Variants in FABP9 observed in about 807,000 individuals in gnomAD.
FABP9 encodes fatty acid-binding protein 9.
Under a neutral mutation model 14.7 loss-of-function variants are expected in FABP9, and 11 were observed. The ratio of observed to expected loss-of-function variants is 0.75; its 90% CI spans 0.47 to 1.24. The LOEUF (loss-of-function observed/expected upper bound fraction) is 1.24, where lower values mean the gene tolerates loss of function less well. Ranked by LOEUF, FABP9 falls within the 50% of genes most tolerant of loss-of-function variation. FABP9 has a pLI of 0.00. For missense variants in FABP9, 171 were observed against 158.2 expected (o/e 1.08, Z -0.44); for synonymous variants, 54 against 50.6 (o/e 1.07, Z -0.29).
chr8:81,458,677 T>A lies in FABP9; in HGVS notation c.273A>T (p.Ser91=), dbSNP rs377161985. 8.7e-5 allele frequency: 141 copies of A among 1,613,722 alleles called. 1 individual carries two copies. The highest frequency in any genetic ancestry group is 6.6e-4 in the Middle Eastern group (4 of 6,058). Residue 91 remains serine, a synonymous_variant, in exon 3 of 4, where the codon TCA becomes TCT. Transcript: ENST00000379071. ...VKSTITLENG[S]MIHVQKWLGK... Reference sequence around the variant, plus strand: ...CAAGCCATTTTTGGACGTGAATCATTGAGCCATTCTCTAATGTTATGGTGC... The same window carrying A: ...CAAGCCATTTTTGGACGTGAATCATAGAGCCATTCTCTAATGTTATGGTGC...
In FABP9 at chr8:81,458,334, G is replaced by C; in HGVS notation, c.*49C>G. ...CAGCCCTGAGGCATATCTTCTTCAGGTACCAGTTCCTTGTCAGTGAACAAG... is the reference window on the plus strand; with the variant it reads ...CAGCCCTGAGGCATATCTTCTTCAGCTACCAGTTCCTTGTCAGTGAACAAG... On this transcript the variant is annotated 3_prime_UTR_variant, in exon 4 of 4. Coordinates refer to ENST00000379071, the MANE Select transcript of FABP9 (RefSeq NM_001080526.2). 1 of 1,404,976 alleles carries C rather than the reference G, an allele frequency of 7.1e-7. No individual in the cohort carries two copies. The highest frequency in any genetic ancestry group is 1.0e-6 in the Non-Finnish European group (1 of 991,494). The allele number at this position is 1,404,976 out of a possible 1,614,324, so 87.0% of individuals were successfully genotyped here.
intron 2 of FABP9, among the ~76,000 whole-genome samples, chr8:81,458,934 C>T (rs1415366801): frequency 6.6e-6 from 1 of 152,126 alleles, no homozygotes; most frequent in Non-Finnish European, 1.5e-5. Flanking sequence ...TTTCTATGTG[C>T]TCTTTCATAT....
In FABP9 at chr8:81,458,413, A is replaced by G; in HGVS notation, c.369T>C (p.Ile123=). ...KMVVECKMNN[I]VSTRIYEKV ...CCTTTTCGTAGATTCTGGTGCTGAC[A>G]ATATTATTCATTTTACATTCCTAAA... is the stretch of plus-strand genomic sequence containing the variant. Residue 123 remains isoleucine, a synonymous_variant, in exon 4 of 4, where the codon ATT becomes ATC. Coordinates refer to ENST00000379071, the MANE Select transcript of FABP9 (RefSeq NM_001080526.2). 2 of 1,612,802 alleles carry G rather than the reference A, an allele frequency of 1.2e-6. No homozygotes were observed. Among genetic ancestry groups the G allele is most frequent in the Middle Eastern group, 1.7e-4 (1 of 6,054 alleles).
rs1289756633 is a variant in FABP9 at position 81,461,490 on chromosome 8, C to A, written c.34G>T (p.Val12Phe). Residue 12 changes from valine to phenylalanine, a missense_variant, in exon 1 of 4, where the codon GTC (valine) becomes TTC (phenylalanine). Transcript: ENST00000379071. ...VEPFLGTWKL[V>F]SSENFEDYMK... ...TAATCCTCAAAGTTTTCACTGGAGACCAGCTTCCAGGTTCCCAAGAAGGGC... is the reference window on the plus strand; with the variant it reads ...TAATCCTCAAAGTTTTCACTGGAGAACAGCTTCCAGGTTCCCAAGAAGGGC... The A allele has an allele frequency of 6.2e-7, 1 of 1,613,784 alleles. No individual in the cohort carries two copies. The highest frequency in any genetic ancestry group is 1.3e-5 in the African/African-American group (1 of 75,024).
chr8:81,459,443 A>C (rs925915113), intron 1 of FABP9, 106 bp from the exon 2 acceptor site: 1 of 1,007,086 alleles, frequency 9.9e-7, no homozygotes, highest in African/African-American at 1.7e-5. Context: ...AATTTTGGAT[A>C]ATGTATAGTA....
Position 81,459,227 on chromosome 8 carries a change from T to C in FABP9, c.184A>G (p.Lys62Glu). 1 of 1,592,834 alleles carries C rather than the reference T, an allele frequency of 6.3e-7. No individual in the cohort carries two copies. The highest frequency in any genetic ancestry group is 8.5e-7 in the Non-Finnish European group (1 of 1,172,962). ...IRTESSFQDT[K>E]ISFKLGEEFD... ...TCTTCCCCCAGCTTGAAGGAGATCT[T>C]AGTGTCCTGGAAAGAACTTTCTGTT... Residue 62 changes from lysine (K) to glutamate (E), a missense_variant, in exon 2 of 4, where the codon AAG (lysine) becomes GAG (glutamate). By Grantham distance (56) the Lys-to-Glu change is moderately conservative (BLOSUM62 1). Coordinates refer to ENST00000379071, the MANE Select transcript of FABP9 (RefSeq NM_001080526.2).
intron 1 of FABP9, 52 bp downstream of exon 1, chr8:81,461,399 T>A: frequency 8.3e-7 from 1 of 1,203,752 alleles, no homozygotes; most frequent in Non-Finnish European, 1.2e-6. Context: ...ACAAACCCAA[T>A]CACATCACAA....
At chr8:81,460,322 A>C (rs1807672243) in intron 1 of FABP9, among the ~76,000 whole-genome samples, 1 of 152,172 alleles carries the variant, frequency 6.6e-6, no homozygotes, top group South Asian at 2.1e-4. Context: ...AAAAGGTTAA[A>C]TGAAAGGGGT....
chr8:81,459,266 T>C lies in FABP9; in HGVS notation c.145A>G (p.Met49Val), dbSNP rs1375563868. Residue 49 changes from methionine to valine, a missense_variant, in exon 2 of 4, where the codon ATG (methionine) becomes GTG (valine). Coordinates refer to ENST00000379071, the MANE Select transcript of FABP9 (RefSeq NM_001080526.2). Reference sequence around the variant, plus strand: ...GAACTTTCTGTTCTTATGGTCATCATTTTCCCATCAACACTAATAGTTACT... The same window carrying C: ...GAACTTTCTGTTCTTATGGTCATCACTTTCCCATCAACACTAATAGTTACT... ...PTVTISVDGK[M>V]MTIRTESSFQ... is the part of the protein sequence containing the mutation. The C allele has an allele frequency of 2.5e-6, 4 of 1,580,644 alleles. No individual in the cohort carries two copies. In the South Asian group the frequency reaches 4.7e-5, roughly 19 times the overall value.
At chr8:81,461,229 G>A (rs1807687082) in intron 1 of FABP9, among the ~76,000 whole-genome samples, 1 of 152,122 alleles carries the variant, frequency 6.6e-6, no homozygotes, top group Non-Finnish European at 1.5e-5. Context: ...TTAAATATAT[G>A]GATCATGACT....
chr8:81,458,256 A>T lies in FABP9; in HGVS notation c.*127T>A. 1 of 717,174 alleles carries T rather than the reference A, an allele frequency of 1.4e-6. No individual in the cohort carries two copies. The highest frequency in any genetic ancestry group is 2.4e-6 in the Non-Finnish European group (1 of 412,226). The allele number at this position is 717,174 out of a possible 1,614,324, so 44.4% of individuals were successfully genotyped here. A position where few individuals can be genotyped will look rare whatever the true frequency, so the allele number is the denominator to read the frequency against. On this transcript the variant is annotated 3_prime_UTR_variant, in exon 4 of 4. Coordinates refer to ENST00000379071, the MANE Select transcript of FABP9 (RefSeq NM_001080526.2). The stretch of plus-strand genomic sequence containing the variant: ...ATTAAATAGCTTCAAAACTGCACTT[A>T]ATTTGATGCTTTTATTAAGCAAATT...
Position 81,459,154 on chromosome 8 carries a change from T to A in FABP9, c.246+11A>T. On this transcript the variant is annotated intron_variant, in intron 2 of 3. Transcript: ENST00000379071. ...CCTGATTGTTGAACACCAGGAAGAA[T>A]TAGTTCTGACCTTTACTTTCCGGTT... 1 of 1,571,264 alleles carries A rather than the reference T, an allele frequency of 6.4e-7. No individual in the cohort carries two copies. Among genetic ancestry groups the A allele is most frequent in the Non-Finnish European group, 8.6e-7 (1 of 1,166,920 alleles).
rs139751300 is a variant in FABP9, at chr8:81,459,176, G to T, written c.235C>A (p.Arg79=). 1 of 1,587,414 alleles carries T rather than the reference G, an allele frequency of 6.3e-7. No individual in the cohort carries two copies. The highest frequency in any genetic ancestry group is 1.4e-5 in the African/African-American group (1 of 72,440). ...GAATTAGTTCTGACCTTTACTTTCC[G>T]GTTGTCTGCTGTAGTTTCATCAAAT... is the stretch of plus-strand genomic sequence containing the variant. ...EEFDETTADN[R]KVKSTITLEN... Residue 79 remains arginine, a synonymous_variant, in exon 2 of 4, where the codon CGG becomes AGG. Transcript: ENST00000379071.
chr8:81,460,192 G>C (rs1488389960), intron 1 of FABP9, among the ~76,000 whole-genome samples: 1 of 152,106 alleles, frequency 6.6e-6, no homozygotes, highest in Admixed American at 6.5e-5. Flanking sequence ...TAGAGATGGG[G>C]TTTCACCATG....
chr8:81,460,681 TA>T (rs1009643428), intron 1 of FABP9, among the ~76,000 whole-genome samples: 3 of 151,856 alleles, frequency 2.0e-5, no homozygotes, highest in Non-Finnish European at 4.4e-5. Flanking sequence ...TTATGTAAGT[TA>T]AAAAAAAGTA....
In FABP9 at chr8:81,458,603, A is replaced by G. The variant is rs759233755; in HGVS notation, c.347T>C (p.Val116Ala). 2.5e-6 allele frequency: 4 copies of G among 1,608,054 alleles called. No individual in the cohort carries two copies. Among genetic ancestry groups the G allele is most frequent in the South Asian group, 2.2e-5 (2 of 90,906 alleles). The change falls in exon 3 of 4, where the codon GTG becomes GCG. Residue 116 changes from valine (V) to alanine (A), a missense_variant and splice_region_variant. Val to Ala is a moderately conservative substitution (Grantham distance 64). Transcript: ENST00000379071. The part of the protein sequence containing the change: ...KRKIVDEKMV[V>A]ECKMNNIVST... ...GACTTCAATTTAAAGAAAACTTACC[A>G]CTACCATTTTTTCATCCACAATTTT...
rs1172942948 is a variant in FABP9 at position 81,458,450 on chromosome 8, A to G, written c.349-17T>C. 1.0e-5 allele frequency: 16 copies of G among 1,603,546 alleles called. No homozygotes were observed. The highest frequency in any genetic ancestry group is 1.3e-5 in the Non-Finnish European group (15 of 1,170,708). ...TTTACATTCCTAAAAGCAAAGAGGAATCTATTAGAGCTGGTAGATAACAGG... is the reference window on the plus strand; with the variant it reads ...TTTACATTCCTAAAAGCAAAGAGGAGTCTATTAGAGCTGGTAGATAACAGG... On this transcript the variant is annotated splice_polypyrimidine_tract_variant and intron_variant, in intron 3 of 3. Transcript: ENST00000379071.
intron 1 of FABP9, among the ~76,000 whole-genome samples, chr8:81,460,150 C>A (rs1807669053): frequency 6.6e-6 from 1 of 152,128 alleles, no homozygotes; most frequent in Admixed American, 6.5e-5. Context: ...CAGGCACATG[C>A]CACCATGCCC....
chr8:81,458,786 ATTTT>A, intron 2 of FABP9, 83 bp from the exon 3 acceptor site: 2 of 948,976 alleles, frequency 2.1e-6, no homozygotes, highest in Non-Finnish European at 1.6e-6. Flanking sequence ...TTTAATTTCT[ATTTT>A]GAAATTCTTT....
Sources: allele counts gnomAD v4.1 joint callset (sites outside exome capture counted in the v4.1 genomes callset), GRCh38; gene constraint gnomAD v4.1.1; transcripts MANE v1.5; gene names NCBI Gene and HGNC (gene_info 2026-07-23, HGNC 2026-07-21).